Variants in FYB2 observed in about 807,000 individuals in gnomAD.
FYB2 encodes the protein FYN binding protein 2.
A neutral mutation model predicts 94.1 loss-of-function variants in FYB2; 103 were observed. The ratio of observed to expected loss-of-function variants is 1.09; its 90% CI spans 0.93 to 1.29. FYB2 has a LOEUF of 1.29. FYB2 is among the 50% of genes most tolerant of loss of function. The probability of loss-of-function intolerance (pLI) is 0.00; values close to 1 mark genes in which losing one functional copy is unlikely to be tolerated. For missense variants in FYB2, 896 were observed against 841.5 expected (o/e 1.06, Z -0.80); for synonymous variants, 293 against 287.9 (o/e 1.02, Z -0.18).
chr1:56,741,496 T>C (rs1415090640), intron 12 of FYB2, among the ~76,000 whole-genome samples: 1 of 152,070 alleles, frequency 6.6e-6, no homozygotes, highest in Admixed American at 6.6e-5. Flanking sequence ...TTCTGTCAAA[T>C]ATCCTTTTGG....
chr1:56,809,997 G>T (rs1646730293), intron 1 of FYB2, among the ~76,000 whole-genome samples: 1 of 152,020 alleles, frequency 6.6e-6, no homozygotes, highest in South Asian at 2.1e-4. Context: ...GAAGATAGTT[G>T]TGATATGGAT....
chr1:56,726,467 G>A (rs1263312669), intron 16 of FYB2, 30 bp downstream of exon 16: 1 of 1,586,496 alleles, frequency 6.3e-7, no homozygotes. Flanking sequence ...CAGCAGATAA[G>A]CTATAATAGA....
chr1:56,757,708 T>TTCTTTCTTTCTC (rs1645379562), intron 6 of FYB2, among the ~76,000 whole-genome samples: 1 of 108,196 alleles, frequency 9.2e-6, no homozygotes, highest in Non-Finnish European at 1.9e-5. Context: ...CTTTCTTTCT[T>TTCTTTCTTTCTC]TCTTTCTTTC....
chr1:56,752,317 T>C (rs573709314), intron 8 of FYB2, among the ~76,000 whole-genome samples: 1 of 152,128 alleles, frequency 6.6e-6, no homozygotes, highest in South Asian at 2.1e-4. Context: ...GACGAGACCC[T>C]GGAGAGAGAG....
chr1:56,744,058 A>G lies in FYB2; in HGVS notation c.1511T>C (p.Leu504Pro), dbSNP rs770601344. ...VEYSRKEVPK[L>P]NYSSSLASSS... Reference sequence around the variant, plus strand: ...TGAGGCAAGTGAGCTAGAGTAGTTCAGCTTCGGTCTATGGGAGAAAATAAC... The same window carrying G: ...TGAGGCAAGTGAGCTAGAGTAGTTCGGCTTCGGTCTATGGGAGAAAATAAC... The change falls in exon 11 of 20, where the codon CTG becomes CCG. Residue 504 changes from leucine (L) to proline (P), a missense_variant. Transcript: ENST00000343433. 2 of 1,612,558 alleles carry G rather than the reference A, an allele frequency of 1.2e-6. No homozygotes were observed. Among genetic ancestry groups the G allele is most frequent in the East Asian group, 4.5e-5 (2 of 44,808 alleles).
In FYB2 at chr1:56,754,131, C is replaced by G. The variant is rs77260679; in HGVS notation, c.1131-196G>C. On this transcript the variant is annotated intron_variant, in intron 7 of 19. Coordinates refer to ENST00000343433, the MANE Select transcript of FYB2 (RefSeq NM_001004303.5). The stretch of plus-strand genomic sequence containing the variant: ...AGTTTCTGCCTGTTCCAATTAATGC[C>G]ACAGTGTCAATTGCTGCTTAAAATC... Among the ~76,000 whole-genome samples, 26 of 152,048 alleles carry G rather than the reference C, an allele frequency of 1.7e-4. No individual in the cohort carries two copies. In the East Asian group the frequency reaches 4.9e-3, roughly 28 times the overall value.
chr1:56,729,935 T>C (rs1485096089), intron 15 of FYB2, among the ~76,000 whole-genome samples: 1 of 151,830 alleles, frequency 6.6e-6, no homozygotes, highest in African/African-American at 2.4e-5. Context: ...GAACAACCAA[T>C]GGGTGAAGGA....
intron 19 of FYB2, 101 bp downstream of exon 19, chr1:56,719,921 T>C: frequency 1.6e-6 from 2 of 1,275,434 alleles, no homozygotes; most frequent in Non-Finnish European, 1.1e-6. Context: ...TTTTAAAACT[T>C]ATCCTGAATT....
At position 56,792,139 on chromosome 1, in the gene FYB2, C is replaced by A; in HGVS notation, c.674G>T (p.Trp225Leu). The A allele has an allele frequency of 6.2e-7, 1 of 1,613,840 alleles. No individual in the cohort carries two copies. Among genetic ancestry groups the A allele is most frequent in the Non-Finnish European group, 8.5e-7 (1 of 1,179,934 alleles). The change falls in exon 2 of 20, where the codon TGG becomes TTG. Residue 225 changes from tryptophan (W) to leucine (L), a missense_variant. Coordinates refer to ENST00000343433, the MANE Select transcript of FYB2 (RefSeq NM_001004303.5). The part of the protein sequence containing the change: ...FVISQHIRKS[W>L]ENPPPERSPA... ...GCTCCTCTCAGGAGGTGGGTTTTCC[C>A]AGCTTTTTCTGATATGTTGAGAAAT...
chr1:56,730,428 G>C (rs1207920057), intron 15 of FYB2, among the ~76,000 whole-genome samples: 12 of 132,110 alleles, frequency 9.1e-5, no homozygotes, highest in African/African-American at 3.4e-4. Context: ...GGAGGGGAGG[G>C]GGAGAGGGAG....
At chr1:56,738,571 C>T in intron 14 of FYB2, 54 bp downstream of exon 14, 2 of 1,527,040 alleles carry the variant, frequency 1.3e-6, no homozygotes, top group Non-Finnish European at 1.8e-6. Context: ...TTCCCTGCCT[C>T]TGAATATACA....
Position 56,775,135 on chromosome 1 carries a change from C to T in FYB2, c.954-7197G>A, listed in dbSNP as rs1484305228. ...GAGTCAATACTCCTTAATAATCTCT[C>T]GTTTATATATACATCTACCCTATTA... On this transcript the variant is annotated intron_variant, in intron 4 of 19. Coordinates refer to ENST00000343433, the MANE Select transcript of FYB2 (RefSeq NM_001004303.5). 3.3e-5 allele frequency among the ~76,000 whole-genome samples: 5 copies of T among 152,122 alleles called. No individual in the cohort carries two copies. In the South Asian group the frequency reaches 6.2e-4, roughly 19 times the overall value.
At chr1:56,810,525 C>T (rs1440633213) in intron 1 of FYB2, among the ~76,000 whole-genome samples, 1 of 152,166 alleles carries the variant, frequency 6.6e-6, no homozygotes, top group Non-Finnish European at 1.5e-5. Flanking sequence ...TCCACTCCCT[C>T]CCAGAGGCTA....
intron 15 of FYB2, among the ~76,000 whole-genome samples, chr1:56,726,955 T>G (rs201692053): frequency 0.015 from 2,073 of 141,134 alleles, 24 homozygotes; most frequent in Non-Finnish European, 0.022. Flanking sequence ...GTTTTGTTTT[T>G]TTTTTTGCCT....
chr1:56,805,242 CT>C (rs1646617228), intron 1 of FYB2, among the ~76,000 whole-genome samples: 1 of 152,164 alleles, frequency 6.6e-6, no homozygotes, highest in South Asian at 2.1e-4. Context: ...TTCACTTGTG[CT>C]TCTGTCACTG....
chr1:56,763,602 G>A (rs1645551938), intron 5 of FYB2, among the ~76,000 whole-genome samples: 2 of 152,072 alleles, frequency 1.3e-5, no homozygotes, highest in Non-Finnish European at 2.9e-5. Flanking sequence ...TGATATCCCT[G>A]CTTCAGTCTT....
chr1:56,792,446 C>G lies in FYB2; in HGVS notation c.367G>C (p.Glu123Gln), dbSNP rs1196169776. ...ATTACTTTTTCCTTAGTGATTATCT[C>G]AACATTTGATTGAGTCACCTCTAAC... Reference protein sequence around the residue: ...LLLEVTQSNVEIITKEKVMVA... With the variant: ...LLLEVTQSNVQIITKEKVMVA... The change falls in exon 2 of 20, where the codon GAG becomes CAG. Residue 123 changes from glutamate (E) to glutamine (Q), a missense_variant. Coordinates refer to ENST00000343433, the MANE Select transcript of FYB2 (RefSeq NM_001004303.5). The G allele has an allele frequency of 1.2e-6, 2 of 1,614,170 alleles. No homozygotes were observed. The highest frequency in any genetic ancestry group is 3.3e-5 in the Admixed American group (2 of 60,026).
chr1:56,777,356 G>A (rs1033284703), intron 4 of FYB2, among the ~76,000 whole-genome samples: 2 of 151,030 alleles, frequency 1.3e-5, no homozygotes, highest in Non-Finnish European at 3.0e-5. Context: ...TGAATCCAAG[G>A]TTATCTGACT....
At position 56,816,317 on chromosome 1, in the gene FYB2, G is replaced by A. The variant is rs1381847731; in HGVS notation, c.9+2965C>T. Among the ~76,000 whole-genome samples the A allele has an allele frequency of 2.0e-5, 3 of 152,142 alleles. No homozygotes were observed. In the East Asian group the frequency reaches 5.8e-4, roughly 29 times the overall value. Reference sequence around the variant, plus strand: ...CTTGCAGGAATGGCTAGAAGGCTAGGCTTAGCTGTAACTGTCAAGCAGAAT... The same window carrying A: ...CTTGCAGGAATGGCTAGAAGGCTAGACTTAGCTGTAACTGTCAAGCAGAAT... On this transcript the variant is annotated intron_variant, in intron 1 of 19. Transcript: ENST00000343433.
Sources: gnomAD v4.1 joint callset for allele counts (sites outside exome capture counted in the v4.1 genomes callset) on GRCh38, gnomAD v4.1.1 for gene constraint, MANE v1.5 for transcripts, NCBI Gene and HGNC (gene_info 2026-07-23, HGNC 2026-07-21) for gene names.